Variants in SV2C observed in about 807,000 individuals in gnomAD.
SV2C encodes the protein synaptic vesicle glycoprotein 2C.
SV2C carries 49 observed loss-of-function variants against 79.7 expected under a neutral mutation model. The observed-to-expected ratio is 0.61, with a 90% CI of 0.49 to 0.78. SV2C has a LOEUF of 0.78. Ranked by LOEUF, SV2C falls within the 30% of genes least tolerant of loss-of-function variation. The probability of loss-of-function intolerance (pLI) is 0.00; values close to 1 mark genes in which losing one functional copy is unlikely to be tolerated. For synonymous variants in SV2C, 334 were observed against 333.2 expected, an observed-to-expected ratio of 1.00 and a Z score of -0.03; for missense variants, 833 against 912.9, an observed-to-expected ratio of 0.91 and a Z score of 1.13.
At chr5:76,162,934 C>T (rs1742937038) in intron 2 of SV2C, among the ~76,000 whole-genome samples, 1 of 152,194 alleles carries the variant, frequency 6.6e-6, no homozygotes, top group African/African-American at 2.4e-5. Context: ...ACAACCAATA[C>T]AACATTTCCA....
chr5:75,885,151 G>T, the SV2C span, among the ~76,000 whole-genome samples: 2 of 152,066 alleles, frequency 1.3e-5, no homozygotes, highest in African/African-American at 4.8e-5. Context: ...AGATTTCCAA[G>T]AAAATACTCC....
chr5:76,064,498 G>A, the SV2C span, among the ~76,000 whole-genome samples: 7 of 152,184 alleles, frequency 4.6e-5, no homozygotes, highest in African/African-American at 1.7e-4. Context: ...CTCTGTTTTA[G>A]TTTTGCATAT....
chr5:76,082,161 C>T (rs1580250178), upstream of SV2C: 1 of 152,294 alleles, frequency 6.6e-6, no homozygotes, highest in African/African-American at 2.4e-5. Context: ...TGACCGCTTC[C>T]CACTCCACTT....
intron 1 of SV2C, among the ~76,000 whole-genome samples, chr5:76,128,977 T>C (rs530882381): frequency 6.6e-6 from 1 of 152,304 alleles, no homozygotes; most frequent in South Asian, 2.1e-4. Flanking sequence ...AGCCAAGCTC[T>C]TCACATTTTT....
the SV2C span, among the ~76,000 whole-genome samples, chr5:76,018,980 A>G: frequency 2.0e-5 from 3 of 152,228 alleles, no homozygotes; most frequent in African/African-American, 4.8e-5. Flanking sequence ...TGGATTTCCA[A>G]TCTGCAATAG....
At chr5:75,916,883 G>T in the SV2C span, among the ~76,000 whole-genome samples, 1 of 152,198 alleles carries the variant, frequency 6.6e-6, no homozygotes, top group Non-Finnish European at 1.5e-5. Context: ...ATACCTAGGA[G>T]TGATGCCCTG....
intron 12 of SV2C, among the ~76,000 whole-genome samples, chr5:76,324,248 C>A (rs1347054478): frequency 2.6e-5 from 4 of 152,116 alleles, no homozygotes; most frequent in African/African-American, 9.7e-5. Flanking sequence ...GTGTAAGACA[C>A]CCTGCTCAGC....
At chr5:76,352,023 G>A (rs1749652102) in intron 12 of SV2C, among the ~76,000 whole-genome samples, 2 of 152,142 alleles carry the variant, frequency 1.3e-5, no homozygotes, top group Admixed American at 1.3e-4. Context: ...GACCAGCCTG[G>A]CCAACCTGGT....
chr5:76,128,894 G>C (rs77160092), intron 1 of SV2C, among the ~76,000 whole-genome samples: 6,229 of 152,250 alleles, frequency 0.041, 415 homozygotes, highest in African/African-American at 0.13. Flanking sequence ...CCCTTGAGAA[G>C]TGCTGCTTTA....
chr5:75,973,786 A>G, the SV2C span, among the ~76,000 whole-genome samples: 1 of 152,064 alleles, frequency 6.6e-6, no homozygotes, highest in African/African-American at 2.4e-5. Context: ...ATTTGAATGA[A>G]TGATGTATGG....
intron 4 of SV2C, among the ~76,000 whole-genome samples, chr5:76,284,176 T>C (rs967923826): frequency 2.0e-5 from 3 of 152,164 alleles, no homozygotes; most frequent in Non-Finnish European, 2.9e-5. Flanking sequence ...TATAAAATGG[T>C]TTGCTTTCAA....
chr5:76,156,977 G>A (rs1279468749), intron 2 of SV2C, among the ~76,000 whole-genome samples: 1 of 151,858 alleles, frequency 6.6e-6, no homozygotes, highest in African/African-American at 2.4e-5. Flanking sequence ...AGAGAAAGGA[G>A]CAGAAAAAAT....
the SV2C span, among the ~76,000 whole-genome samples, chr5:75,886,139 CA>C: frequency 8.5e-5 from 13 of 152,054 alleles, no homozygotes; most frequent in Non-Finnish European, 1.5e-4. Flanking sequence ...TGAGGGCAAG[CA>C]AAGGAGATGA....
At chr5:76,233,764 C>T (rs1353690559) in intron 4 of SV2C, among the ~76,000 whole-genome samples, 2 of 149,050 alleles carry the variant, frequency 1.3e-5, no homozygotes, top group Non-Finnish European at 2.9e-5. Flanking sequence ...GTATATTGAA[C>T]CAGCCTTGCA....
chr5:76,101,401 T>C (rs981485426), intron 1 of SV2C, among the ~76,000 whole-genome samples: 1 of 152,168 alleles, frequency 6.6e-6, no homozygotes, highest in Non-Finnish European at 1.5e-5. Context: ...TTTGTAGAGA[T>C]GAAATTCTGT....
At chr5:76,048,830 T>G in the SV2C span, among the ~76,000 whole-genome samples, 172 of 110,228 alleles carry the variant, frequency 1.6e-3, 3 homozygotes, top group Non-Finnish European at 2.1e-3. Flanking sequence ...AAAAAAATTT[T>G]GGGGCTGTTT....
At position 76,325,435 on chromosome 5, in the gene SV2C, C is replaced by T. The variant is rs769847038; in HGVS notation, c.2072C>T (p.Ser691Phe). 4 of 1,614,082 alleles carry T rather than the reference C, an allele frequency of 2.5e-6. No homozygotes were observed. The highest frequency in any genetic ancestry group is 2.2e-5 in the South Asian group (2 of 91,086). ...AAVLGNLIFGSLVSITKSIPI... is the reference protein window; with the variant it reads ...AAVLGNLIFGFLVSITKSIPI... ...GTCCTGGGAAACTTAATATTTGGCT[C>T]TCTGGTCAGCATCACCAAATCAATC... is the stretch of plus-strand genomic sequence containing the variant. The change falls in exon 13 of 13, where the codon TCT becomes TTT. Residue 691 changes from serine (S) to phenylalanine (F), a missense_variant. Ser to Phe is a radical substitution (Grantham distance 155, BLOSUM62 -2). Coordinates refer to ENST00000502798, the MANE Select transcript of SV2C (RefSeq NM_014979.4).
At chr5:75,925,630 G>A in the SV2C span, among the ~76,000 whole-genome samples, 1 of 152,176 alleles carries the variant, frequency 6.6e-6, no homozygotes. Context: ...CTTGTATTTG[G>A]TGATTAGCAC....
rs371562234 is a variant in SV2C, at chr5:76,211,006, G to C, written c.913+1119G>C. 2.0e-4 allele frequency among the ~76,000 whole-genome samples: 30 copies of C among 152,248 alleles called. 1 individual carries two copies. The highest frequency in any genetic ancestry group is 1.5e-3 in the East Asian group (8 of 5,190). On this transcript the variant is annotated intron_variant, in intron 4 of 12. Coordinates refer to ENST00000502798, the MANE Select transcript of SV2C (RefSeq NM_014979.4). ...CCCTCTGCCTCTCCTACCCTAAGTA[G>C]AGGTGGGAGGATACACAGATCAGCA...
Sources: gnomAD v4.1 joint callset for allele counts (sites outside exome capture counted in the v4.1 genomes callset) on GRCh38, gnomAD v4.1.1 for gene constraint, MANE v1.5 for transcripts, NCBI Gene and HGNC (gene_info 2026-07-23, HGNC 2026-07-21) for gene names.